Variants in DIAPH2 observed in about 807,000 individuals in gnomAD.
DIAPH2 encodes protein diaphanous homolog 2.
A neutral mutation model predicts 92.7 loss-of-function variants in DIAPH2; 35 were observed. The ratio of observed to expected loss-of-function variants is 0.38; its 90% CI spans 0.29 to 0.50. The LOEUF (loss-of-function observed/expected upper bound fraction) is 0.50, where lower values mean the gene tolerates loss of function less well. DIAPH2 is among the 20% of genes least tolerant of loss of function. The pLI is 0.94. For synonymous variants in DIAPH2, 301 were observed against 280.4 expected, an observed-to-expected ratio of 1.07 and a Z score of -0.73; for missense variants, 701 against 819.5, an observed-to-expected ratio of 0.86 and a Z score of 1.77.
At chrX:96,975,783 G>A (rs1013458764) in intron 17 of DIAPH2, among the ~76,000 whole-genome samples, 1 of 110,947 alleles carries the variant, frequency 9.0e-6, no homozygotes, top group Non-Finnish European at 1.9e-5. Flanking sequence ...TCACATGGTG[G>A]AAGTGGTGAG....
At chrX:97,257,957 T>TAAAA (rs59772699) in intron 23 of DIAPH2, among the ~76,000 whole-genome samples, 1 of 92,391 alleles carries the variant, frequency 1.1e-5, no homozygotes, top group Non-Finnish European at 2.0e-5. Context: ...GTTCTTTGTT[T>TAAAA]AAAAAAAAAA....
At chrX:96,968,341 C>T (rs1025812040) in intron 17 of DIAPH2, among the ~76,000 whole-genome samples, 1 of 110,985 alleles carries the variant, frequency 9.0e-6, no homozygotes, top group Non-Finnish European at 1.9e-5. Flanking sequence ...GCCTCAGACT[C>T]CCCAGTAGCT....
Position 97,213,046 on chromosome X carries a change from T to G in DIAPH2, c.2720-34669T>G, listed in dbSNP as rs146376959. Among the ~76,000 whole-genome samples, 1,066 of 111,865 alleles carry G rather than the reference T, an allele frequency of 9.5e-3. 17 individuals carry two copies. Among genetic ancestry groups the G allele is most frequent in the African/African-American group, 0.033 (1,023 of 30,842 alleles). ...AAATGCAGTTTCAGTTTGTGGAACT[T>G]AGAATTGTTTTTAAAATGTGGAATT... is the stretch of plus-strand genomic sequence containing the variant. On this transcript the variant is annotated intron_variant, in intron 22 of 26. Coordinates refer to ENST00000324765, the MANE Select transcript of DIAPH2 (RefSeq NM_006729.5).
intron 4 of DIAPH2, among the ~76,000 whole-genome samples, chrX:96,850,128 A>C (rs2064997944): frequency 9.0e-6 from 1 of 111,546 alleles, no homozygotes; most frequent in Non-Finnish European, 1.9e-5. Flanking sequence ...CTCTTGGTAC[A>C]GTAAATAGTA....
At chrX:96,964,509 A>G (rs928307019) in intron 16 of DIAPH2, among the ~76,000 whole-genome samples, 2 of 111,824 alleles carry the variant, frequency 1.8e-5, no homozygotes, top group African/African-American at 6.5e-5. Context: ...GCACTTATCT[A>G]GGTTTAAAAT....
chrX:97,120,550 C>T lies in DIAPH2; in HGVS notation c.2589+5585C>T, dbSNP rs779475084. On this transcript the variant is annotated intron_variant, in intron 21 of 26. Coordinates refer to ENST00000324765, the MANE Select transcript of DIAPH2 (RefSeq NM_006729.5). The stretch of plus-strand genomic sequence containing the variant: ...GGAGCTGCAATCTAGTCCTGCTTCC[C>T]GTCTGCCATGATCCTCCCACAAATT... 6.4e-5 allele frequency among the ~76,000 whole-genome samples: 7 copies of T among 108,868 alleles called. No homozygotes were observed. The East Asian group carries it at 2.0e-3, about 31-fold the overall frequency. 94.5% of individuals were successfully genotyped at this position (108,868 alleles called of 115,157 possible). A position where few individuals can be genotyped will look rare whatever the true frequency, so the allele number is the denominator to read the frequency against.
chrX:96,899,688 T>C (rs368166339), intron 5 of DIAPH2, among the ~76,000 whole-genome samples: 1 of 110,786 alleles, frequency 9.0e-6, no homozygotes, highest in Non-Finnish European at 1.9e-5. Context: ...GACAATTTGA[T>C]TTCCTCTTTT....
chrX:96,893,390 G>A (rs2065320571), intron 5 of DIAPH2, among the ~76,000 whole-genome samples: 2 of 111,202 alleles, frequency 1.8e-5, no homozygotes, highest in Admixed American at 9.6e-5. Flanking sequence ...TAAAAAGAGA[G>A]ACATAGCTGT....
At chrX:97,382,950 G>A (rs1329699827) in intron 24 of DIAPH2, among the ~76,000 whole-genome samples, 2 of 112,027 alleles carry the variant, frequency 1.8e-5, no homozygotes, top group East Asian at 2.8e-4. Flanking sequence ...TACATGCTAT[G>A]AAGTATATTT....
intron 17 of DIAPH2, among the ~76,000 whole-genome samples, chrX:97,028,274 A>G (rs988578810): frequency 2.7e-5 from 3 of 110,985 alleles, no homozygotes; most frequent in African/African-American, 9.8e-5. Context: ...GCAGTGTGGT[A>G]CCCATGTTTG....
At chrX:96,917,046 G>A (rs1036014662) in intron 8 of DIAPH2, among the ~76,000 whole-genome samples, 2 of 111,287 alleles carry the variant, frequency 1.8e-5, no homozygotes, top group African/African-American at 3.3e-5. Context: ...AGAAAAAAAC[G>A]GTTGTTGATA....
intron 26 of DIAPH2, among the ~76,000 whole-genome samples, chrX:97,488,229 G>C (rs1469525237): frequency 8.9e-6 from 1 of 111,906 alleles, no homozygotes; most frequent in African/African-American, 3.3e-5. Context: ...CCAACCTCAG[G>C]TGATCTGCCT....
At chrX:97,326,822 T>C (rs1043864546) in intron 23 of DIAPH2, among the ~76,000 whole-genome samples, 5 of 112,323 alleles carry the variant, frequency 4.5e-5, no homozygotes, top group African/African-American at 1.6e-4. Flanking sequence ...ACACCTGTCC[T>C]AGGGAGCAAT....
chrX:97,233,047 C>T (rs911096921), intron 22 of DIAPH2, among the ~76,000 whole-genome samples: 4 of 112,503 alleles, frequency 3.6e-5, no homozygotes, highest in East Asian at 2.8e-4. Flanking sequence ...TCAATTTATA[C>T]GTCTTTGTAT....
intron 26 of DIAPH2, among the ~76,000 whole-genome samples, chrX:97,451,823 C>G (rs2070361442): frequency 9.0e-6 from 1 of 111,524 alleles, no homozygotes; most frequent in African/African-American, 3.3e-5. Context: ...ATAAGAAAAC[C>G]TACTGCTTCT....
chrX:97,545,376 C>T (rs1259087751), intron 26 of DIAPH2, among the ~76,000 whole-genome samples: 2 of 109,880 alleles, frequency 1.8e-5, no homozygotes, highest in Admixed American at 9.8e-5. Context: ...TCATTTTGTT[C>T]TATCTCCTAA....
At chrX:97,276,799 G>T (rs1276053899) in intron 23 of DIAPH2, among the ~76,000 whole-genome samples, 2 of 111,262 alleles carry the variant, frequency 1.8e-5, no homozygotes, top group African/African-American at 6.6e-5. Context: ...GAATATGATA[G>T]ATAGCCTTTA....
At chrX:96,754,189 T>A (rs755567576) in intron 3 of DIAPH2, among the ~76,000 whole-genome samples, 19 of 112,103 alleles carry the variant, frequency 1.7e-4, no homozygotes, top group Non-Finnish European at 2.4e-4. Context: ...CAGATTTTTT[T>A]CATCCTTTGA....
At chrX:96,884,605 G>A (rs773544923) in intron 5 of DIAPH2, 32 of 1,207,696 alleles carry the variant, frequency 2.6e-5, no homozygotes, top group Non-Finnish European at 3.2e-5. Context: ...TGATATGACC[G>A]CGAAACCAAT....
Sources: gnomAD v4.1 joint callset for allele counts (sites outside exome capture counted in the v4.1 genomes callset) on GRCh38, gnomAD v4.1.1 for gene constraint, MANE v1.5 for transcripts, NCBI Gene and HGNC (gene_info 2026-07-23, HGNC 2026-07-21) for gene names.